Variants in ZNF407 observed in about 807,000 individuals in gnomAD.
The protein encoded by ZNF407 is zinc finger protein 407.
ZNF407 carries 17 observed loss-of-function variants against 131.2 expected under a neutral mutation model. The ratio of observed to expected loss-of-function variants is 0.13; its 90% confidence interval spans 0.09 to 0.19. The LOEUF is 0.19. Ranked by LOEUF, ZNF407 falls within the 10% of genes least tolerant of loss-of-function variation. ZNF407 has a pLI of 1.00. For synonymous variants in ZNF407, 1,156 were observed against 1,062.0 expected (o/e 1.09, Z -1.72); for missense variants, 2,681 against 2,830.6 (o/e 0.95, Z 1.20).
intron 8 of ZNF407, among the ~76,000 whole-genome samples, chr18:75,052,138 G>A (rs547762642): frequency 3.7e-4 from 56 of 152,280 alleles, no homozygotes; most frequent in African/African-American, 1.3e-3. Flanking sequence ...ACGAAGGCGT[G>A]TGCTTGGGTG....
intron 3 of ZNF407, among the ~76,000 whole-genome samples, chr18:74,765,704 G>T (rs1468017322): frequency 1.3e-5 from 2 of 152,142 alleles, no homozygotes; most frequent in African/African-American, 4.8e-5. Context: ...GATCTTTAGA[G>T]TTCTGTCTCT....
At chr18:74,607,033 G>A (rs540162444) in intron 1 of ZNF407, among the ~76,000 whole-genome samples, 52 of 152,270 alleles carry the variant, frequency 3.4e-4, no homozygotes, top group African/African-American at 9.6e-4. Context: ...ACTCCTCATC[G>A]TCTACTAGGA....
At chr18:75,050,784 A>G (rs942126076) in intron 8 of ZNF407, among the ~76,000 whole-genome samples, 3 of 152,220 alleles carry the variant, frequency 2.0e-5, no homozygotes, top group Non-Finnish European at 4.4e-5. Context: ...GATAATCTAC[A>G]GTAAAGGTAG....
At chr18:74,879,626 A>C (rs543306128) in intron 5 of ZNF407, among the ~76,000 whole-genome samples, 262 of 152,318 alleles carry the variant, frequency 1.7e-3, no homozygotes, top group African/African-American at 6.1e-3. Context: ...CATCTACTCT[A>C]TTCTTTCTAT....
chr18:74,832,545 C>A (rs1970500439), intron 4 of ZNF407, among the ~76,000 whole-genome samples: 1 of 151,756 alleles, frequency 6.6e-6, no homozygotes, highest in Non-Finnish European at 1.5e-5. Context: ...GCCTTAAACT[C>A]TTGAGCTCAC....
At chr18:74,878,824 A>T (rs1210692931) in intron 5 of ZNF407, among the ~76,000 whole-genome samples, 3 of 150,442 alleles carry the variant, frequency 2.0e-5, no homozygotes, top group African/African-American at 7.3e-5. Context: ...TTTTCTTAAA[A>T]TTTTTTTTCT....
intron 8 of ZNF407, among the ~76,000 whole-genome samples, chr18:74,927,649 G>C (rs1398435081): frequency 1.3e-5 from 2 of 152,146 alleles, no homozygotes; most frequent in African/African-American, 4.8e-5. Context: ...TGAACATGAG[G>C]TTCAAATTAG....
Position 75,052,215 on chromosome 18 carries a change from T to G in ZNF407, c.5429-10935T>G, listed in dbSNP as rs184130290. ...AAAACATGGAAATGTTACATTTGAT[T>G]AAGCATATAAAGTGTTTAAATTTTA... is the stretch of plus-strand genomic sequence containing the variant. On this transcript the variant is annotated intron_variant, in intron 8 of 8. Coordinates refer to ENST00000299687, the MANE Select transcript of ZNF407 (RefSeq NM_017757.3). 4.6e-5 allele frequency among the ~76,000 whole-genome samples: 7 copies of G among 152,358 alleles called. No individual in the cohort carries two copies. The East Asian group carries it at 1.2e-3, about 25-fold the overall frequency.
At position 75,010,932 on chromosome 18, in the gene ZNF407, C is replaced by T. The variant is rs532140976; in HGVS notation, c.5429-52218C>T. Among the ~76,000 whole-genome samples the T allele has an allele frequency of 3.3e-5, 5 of 152,248 alleles. No individual in the cohort carries two copies. The East Asian group carries it at 7.7e-4, about 23-fold the overall frequency. Reference sequence around the variant, plus strand: ...GGCTCCTTGTCAAGTACAGTCAGATCTCCTTAAGAACAACAGAGGATGTGG... The same window carrying T: ...GGCTCCTTGTCAAGTACAGTCAGATTTCCTTAAGAACAACAGAGGATGTGG... On this transcript the variant is annotated intron_variant, in intron 8 of 8. Coordinates refer to ENST00000299687, the MANE Select transcript of ZNF407 (RefSeq NM_017757.3).
chr18:74,982,382 A>G (rs1972603139), intron 8 of ZNF407, among the ~76,000 whole-genome samples: 1 of 152,224 alleles, frequency 6.6e-6, no homozygotes, highest in Non-Finnish European at 1.5e-5. Flanking sequence ...GCTTTATATG[A>G]AATTAACTTA....
At chr18:74,661,033 AT>A (rs1302961872) in intron 3 of ZNF407, among the ~76,000 whole-genome samples, 1 of 152,194 alleles carries the variant, frequency 6.6e-6, no homozygotes, top group Non-Finnish European at 1.5e-5. Context: ...AAAATCCAGT[AT>A]CTACGTAGTG....
intron 8 of ZNF407, among the ~76,000 whole-genome samples, chr18:74,985,149 G>T (rs1450802345): frequency 2.0e-5 from 3 of 152,100 alleles, no homozygotes; most frequent in African/African-American, 7.2e-5. Flanking sequence ...TATACATTTT[G>T]TTGGTATTAT....
At chr18:75,044,628 C>A (rs927583389) in intron 8 of ZNF407, among the ~76,000 whole-genome samples, 1 of 152,056 alleles carries the variant, frequency 6.6e-6, no homozygotes, top group East Asian at 1.9e-4. Context: ...CACTATGGCC[C>A]GTGTCAAAAA....
At chr18:74,877,444 C>A in intron 5 of ZNF407, 81 bp downstream of exon 5, 2 of 1,284,564 alleles carry the variant, frequency 1.6e-6, no homozygotes, top group Non-Finnish European at 2.2e-6. Flanking sequence ...CATTAATTAT[C>A]CCATCTTCAT....
In ZNF407 at chr18:74,638,052, T is replaced by C. The variant is rs144206230; in HGVS notation, c.4687+2346T>C. On this transcript the variant is annotated intron_variant, in intron 2 of 8. Transcript: ENST00000299687. The stretch of plus-strand genomic sequence containing the variant: ...TTGGTCTGTCAAAGCTTTTATTTCA[T>C]GTAACATGGGCTGTTGTTAAGTACC... 8.0e-3 allele frequency among the ~76,000 whole-genome samples: 1,225 copies of C among 152,362 alleles called. 10 individuals are homozygous for C. Among genetic ancestry groups the C allele is most frequent in the Non-Finnish European group, 0.013 (913 of 68,030 alleles).
intron 3 of ZNF407, among the ~76,000 whole-genome samples, chr18:74,702,158 T>C (rs1274898641): frequency 6.6e-6 from 1 of 152,190 alleles, no homozygotes; most frequent in Non-Finnish European, 1.5e-5. Context: ...TTGTATATTA[T>C]AATATTACAT....
chr18:74,868,588 G>A (rs895367489), intron 4 of ZNF407, among the ~76,000 whole-genome samples: 1 of 152,186 alleles, frequency 6.6e-6, no homozygotes, highest in African/African-American at 2.4e-5. Flanking sequence ...CTCGTCCTAT[G>A]TAGCCTGTTC....
At chr18:74,620,025 T>TA (rs36173609) in intron 1 of ZNF407, among the ~76,000 whole-genome samples, 116,569 of 147,262 alleles carry the variant, frequency 0.79, 46,776 homozygotes, top group Non-Finnish European at 0.86. Flanking sequence ...TCCCAATAAT[T>TA]AAAAAAAAAA....
At chr18:74,639,506 A>T (rs1252591683) in intron 2 of ZNF407, among the ~76,000 whole-genome samples, 1 of 152,220 alleles carries the variant, frequency 6.6e-6, no homozygotes, top group East Asian at 1.9e-4. Flanking sequence ...GTTTTATCAG[A>T]ATCATTTAAA....
Sources: allele counts gnomAD v4.1 joint callset (sites outside exome capture counted in the v4.1 genomes callset), GRCh38; gene constraint gnomAD v4.1.1; transcripts MANE v1.5; gene names NCBI Gene and HGNC (gene_info 2026-07-23, HGNC 2026-07-21).